Variants in FILIP1L observed in about 807,000 individuals in gnomAD.
FILIP1L encodes filamin A-interacting protein 1-like.
Under a neutral mutation model 96.6 loss-of-function variants are expected in FILIP1L, and 55 were observed. That is an observed-to-expected ratio of 0.57 (90% CI 0.46 to 0.71). FILIP1L has a LOEUF of 0.71. FILIP1L is among the 30% of genes least tolerant of loss of function. FILIP1L has a pLI of 0.00. For missense variants in FILIP1L, 1,304 were observed against 1,321.2 expected (o/e 0.99, Z 0.20); for synonymous variants, 467 against 473.9 (o/e 0.99, Z 0.19).
chr3:100,056,832 G>A (rs1047496870), intron 1 of FILIP1L, among the ~76,000 whole-genome samples: 5 of 151,990 alleles, frequency 3.3e-5, no homozygotes, highest in Admixed American at 2.6e-4. Flanking sequence ...GTGAAACCCC[G>A]TCTCTACTAA....
At chr3:100,031,979 GC>G (rs1559732585) in intron 1 of FILIP1L, among the ~76,000 whole-genome samples, 1 of 151,854 alleles carries the variant, frequency 6.6e-6, no homozygotes, top group African/African-American at 2.4e-5. Context: ...TATTTTTCAT[GC>G]ATCATGAAAA....
chr3:100,034,510 G>T (rs531165304), intron 1 of FILIP1L, among the ~76,000 whole-genome samples: 9 of 152,252 alleles, frequency 5.9e-5, no homozygotes, highest in African/African-American at 1.9e-4. Flanking sequence ...TAATCCAAAA[G>T]GTTCTTTGTG....
intron 4 of FILIP1L, among the ~76,000 whole-genome samples, chr3:99,873,099 G>C (rs1705319182): frequency 6.6e-6 from 1 of 152,144 alleles, no homozygotes; most frequent in Non-Finnish European, 1.5e-5. Context: ...AAGCATAAGT[G>C]ACTGGGTTGG....
chr3:100,086,262 AG>A (rs2066006756), intron 1 of FILIP1L, among the ~76,000 whole-genome samples: 1 of 152,232 alleles, frequency 6.6e-6, no homozygotes, highest in African/African-American at 2.4e-5. Flanking sequence ...GAAAACAACT[AG>A]AAGTCATTCA....
chr3:99,974,261 C>T (rs1020504861), intron 1 of FILIP1L, among the ~76,000 whole-genome samples: 3 of 152,048 alleles, frequency 2.0e-5, no homozygotes, highest in Admixed American at 6.6e-5. Context: ...ATATACAGTT[C>T]GTGCTTTCAA....
intron 1 of FILIP1L, among the ~76,000 whole-genome samples, chr3:99,985,027 G>A (rs1025802512): frequency 3.9e-5 from 6 of 152,206 alleles, no homozygotes; most frequent in African/African-American, 1.4e-4. Context: ...TTGCCGTGAG[G>A]AAGGTATAAG....
chr3:99,935,447 G>C (rs757364276), intron 1 of FILIP1L, among the ~76,000 whole-genome samples: 2 of 152,134 alleles, frequency 1.3e-5, no homozygotes, highest in Non-Finnish European at 2.9e-5. Context: ...ATAACCTTCA[G>C]GAGTGTAGGC....
chr3:99,950,816 C>A (rs1279401315), intron 1 of FILIP1L, among the ~76,000 whole-genome samples: 1 of 151,668 alleles, frequency 6.6e-6, no homozygotes, highest in Non-Finnish European at 1.5e-5. Context: ...CAAAACAGAG[C>A]TATGTATTTG....
chr3:100,105,550 T>G (rs979068683), intron 1 of FILIP1L, among the ~76,000 whole-genome samples: 7 of 152,164 alleles, frequency 4.6e-5, no homozygotes, highest in African/African-American at 1.7e-4. Context: ...GCTATAAGAT[T>G]AACCGAAAAC....
At chr3:99,834,399 G>A (rs1183231853) in intron 5 of FILIP1L, among the ~76,000 whole-genome samples, 4 of 152,174 alleles carry the variant, frequency 2.6e-5, no homozygotes, top group East Asian at 1.9e-4. Flanking sequence ...GTTTGTGGTT[G>A]TACCTAGTCA....
chr3:100,055,880 T>C (rs2065456077), intron 1 of FILIP1L, among the ~76,000 whole-genome samples: 1 of 152,224 alleles, frequency 6.6e-6, no homozygotes. Flanking sequence ...TTTTCATAAC[T>C]ACCTTCAAGG....
At chr3:100,097,386 A>G (rs2066228715) in intron 1 of FILIP1L, among the ~76,000 whole-genome samples, 1 of 152,218 alleles carries the variant, frequency 6.6e-6, no homozygotes, top group Non-Finnish European at 1.5e-5. Flanking sequence ...TTATATGCAA[A>G]TACTGTGCTA....
chr3:100,111,566 A>C (rs537668838), intron 1 of FILIP1L, among the ~76,000 whole-genome samples: 1 of 152,300 alleles, frequency 6.6e-6, no homozygotes, highest in Admixed American at 6.5e-5. Context: ...AAGTCTCCTC[A>C]ACCAAGATGA....
intron 5 of FILIP1L, among the ~76,000 whole-genome samples, chr3:99,831,613 A>C (rs769958311): frequency 1.3e-5 from 2 of 152,236 alleles, no homozygotes; most frequent in Non-Finnish European, 2.9e-5. Context: ...CTATAGCATT[A>C]ATAATAGCCT....
chr3:100,025,738 G>A (rs2107244026), intron 1 of FILIP1L, among the ~76,000 whole-genome samples: 1 of 152,250 alleles, frequency 6.6e-6, no homozygotes, highest in East Asian at 1.9e-4. Flanking sequence ...TCATGTAAGT[G>A]AAGCTAAATA....
chr3:100,019,669 T>G lies in FILIP1L; in HGVS notation c.-10-88639A>C, dbSNP rs767864125. 4.6e-5 allele frequency among the ~76,000 whole-genome samples: 7 copies of G among 152,222 alleles called. No homozygotes were observed. In the South Asian group the frequency reaches 1.2e-3, roughly 27 times the overall value. ...TGACTGTCTTTCCATTCCTTTTCTA[T>G]GTAAAACTCTTCTCTTTTTAAACAG... On this transcript the variant is annotated intron_variant, in intron 1 of 5. Coordinates refer to ENST00000477258, the MANE Select transcript of FILIP1L (RefSeq NM_001387850.1).
At chr3:99,843,836 GC>G (rs895446302) in intron 5 of FILIP1L, among the ~76,000 whole-genome samples, 1 of 152,152 alleles carries the variant, frequency 6.6e-6, no homozygotes, top group African/African-American at 2.4e-5. Context: ...CCTGAGCTCT[GC>G]CTCCTGTCAG....
chr3:100,054,868 A>T (rs1257125087), intron 1 of FILIP1L, among the ~76,000 whole-genome samples: 1 of 152,196 alleles, frequency 6.6e-6, no homozygotes, highest in Non-Finnish European at 1.5e-5. Flanking sequence ...AATGTTCAGA[A>T]GTATGAGGTC....
intron 4 of FILIP1L, among the ~76,000 whole-genome samples, chr3:99,893,665 G>A (rs1706163170): frequency 6.6e-6 from 1 of 152,104 alleles, no homozygotes. Flanking sequence ...TTCCTTTAAA[G>A]TTAGCTATTT....
Sources: gnomAD v4.1 joint callset for allele counts (sites outside exome capture counted in the v4.1 genomes callset) on GRCh38, gnomAD v4.1.1 for gene constraint, MANE v1.5 for transcripts, NCBI Gene and HGNC (gene_info 2026-07-23, HGNC 2026-07-21) for gene names.